Variants in ZHX3 observed in about 807,000 individuals in gnomAD.
ZHX3 encodes the protein zinc fingers and homeoboxes protein 3.
ZHX3 carries 20 observed loss-of-function variants against 64.5 expected under a neutral mutation model. The ratio of observed to expected loss-of-function variants is 0.31; its 90% CI spans 0.22 to 0.45. ZHX3 has a LOEUF of 0.45. ZHX3 is among the 20% of genes least tolerant of loss of function. The pLI, the probability that ZHX3 is intolerant of heterozygous loss-of-function variation, is 1.00. For synonymous variants in ZHX3, 423 were observed against 461.6 expected, an observed-to-expected ratio of 0.92 and a Z score of 1.07; for missense variants, 1,041 against 1,195.8, an observed-to-expected ratio of 0.87 and a Z score of 1.91.
intron 2 of ZHX3, among the ~76,000 whole-genome samples, chr20:41,215,948 C>CA (rs536278761): frequency 0.024 from 1,386 of 57,610 alleles, 13 homozygotes; most frequent in African/African-American, 0.063. Context: ...CGAGACTGTC[C>CA]AAAAAAAAAA....
chr20:41,205,835 T>G (rs1226854265), intron 2 of ZHX3, among the ~76,000 whole-genome samples: 1 of 152,132 alleles, frequency 6.6e-6, no homozygotes, highest in African/African-American at 2.4e-5. Flanking sequence ...CTGAGAACAG[T>G]TGGACTGCCT....
Position 41,256,469 on chromosome 20 carries a change from T to C in ZHX3, c.-151+12521A>G, listed in dbSNP as rs578254024. On this transcript the variant is annotated intron_variant, in intron 2 of 3. Coordinates refer to ENST00000683867, the MANE Select transcript of ZHX3 (RefSeq NM_001384317.1). ...CTCGATGGAGACAAATTAGATTTTT[T>C]CCCCTCATTTTTAGAAGGGGTATAG... 2.3e-4 allele frequency among the ~76,000 whole-genome samples: 35 copies of C among 152,048 alleles called. 1 individual carries two copies. Among genetic ancestry groups the C allele is most frequent in the African/African-American group, 8.4e-4 (35 of 41,452 alleles).
Position 41,278,939 on chromosome 20 carries a change from A to G in ZHX3, c.-244-9856T>C, listed in dbSNP as rs77391413. Among the ~76,000 whole-genome samples the G allele has an allele frequency of 0.042, 6,365 of 151,720 alleles. 751 individuals carry two copies. The East Asian group carries it at 0.48, about 11-fold the overall frequency. On this transcript the variant is annotated intron_variant, in intron 1 of 3. Coordinates refer to ENST00000683867, the MANE Select transcript of ZHX3 (RefSeq NM_001384317.1). The stretch of plus-strand genomic sequence containing the variant: ...AGGTGCCCGCCACCACGCCCGGCTA[A>G]TTTTTTTGTATTTCTAGTAGAGACA...
chr20:41,314,128 C>A (rs927493762), intron 1 of ZHX3, among the ~76,000 whole-genome samples: 2 of 152,156 alleles, frequency 1.3e-5, no homozygotes, highest in African/African-American at 2.4e-5. Flanking sequence ...AAAGCTTACG[C>A]TCACATTACG....
chr20:41,214,869 A>G (rs996992384), intron 2 of ZHX3, among the ~76,000 whole-genome samples: 1 of 152,192 alleles, frequency 6.6e-6, no homozygotes, highest in Non-Finnish European at 1.5e-5. Flanking sequence ...GCCAAAAGAG[A>G]TTCAGAAGGA....
intron 1 of ZHX3, among the ~76,000 whole-genome samples, chr20:41,283,736 G>A (rs574581531): frequency 4.7e-5 from 7 of 147,704 alleles, no homozygotes; most frequent in East Asian, 2.1e-4. Context: ...CAGCCTGGGC[G>A]ACAGAACGAG....
chr20:41,235,879 C>G (rs1270033524), intron 2 of ZHX3, among the ~76,000 whole-genome samples: 1 of 152,174 alleles, frequency 6.6e-6, no homozygotes, highest in African/African-American at 2.4e-5. Context: ...ACCCCATCAT[C>G]TCAGCCCAAA....
chr20:41,260,561 C>T (rs1287730954), intron 2 of ZHX3, among the ~76,000 whole-genome samples: 1 of 152,174 alleles, frequency 6.6e-6, no homozygotes, highest in Non-Finnish European at 1.5e-5. Context: ...GATTTGCCTA[C>T]TTCTAGTTCA....
Position 41,228,332 on chromosome 20 carries a change from G to A in ZHX3, c.-150-23266C>T, listed in dbSNP as rs572601705. On this transcript the variant is annotated intron_variant, in intron 2 of 3. Transcript: ENST00000683867. This position sits in a 1 kb window ranked among gnomAD's most constrained non-coding sequence, Gnocchi z 4.6. ...CCTGGCACTCACCCTTCCAAAAAAC[G>A]AAACAAGCAAATAAAAAATATAGCC... Among the ~76,000 whole-genome samples, 1 of 152,044 alleles carries A rather than the reference G, an allele frequency of 6.6e-6. No individual in the cohort carries two copies. The highest frequency in any genetic ancestry group is 6.6e-5 in the Admixed American group (1 of 15,266).
chr20:41,298,527 G>A (rs1191039835), intron 1 of ZHX3, among the ~76,000 whole-genome samples: 3 of 152,196 alleles, frequency 2.0e-5, no homozygotes, highest in African/African-American at 7.2e-5. Flanking sequence ...TTTAGAGGAA[G>A]TATATTACAA....
chr20:41,197,454 G>C (rs1465864576), intron 3 of ZHX3, among the ~76,000 whole-genome samples: 1 of 148,640 alleles, frequency 6.7e-6, no homozygotes, highest in Admixed American at 6.8e-5. Context: ...AGAAAAAACA[G>C]ATTATTTTGT....
rs1171013391 is a variant in ZHX3, at chr20:41,224,202, G to A, written c.-150-19136C>T. 6.6e-6 allele frequency among the ~76,000 whole-genome samples: 1 copy of A among 152,152 alleles called. No individual in the cohort carries two copies. Among genetic ancestry groups the A allele is most frequent in the Non-Finnish European group, 1.5e-5 (1 of 68,020 alleles). On this transcript the variant is annotated intron_variant, in intron 2 of 3. Transcript: ENST00000683867. The surrounding 1 kb of genome is among the most constrained non-coding windows in gnomAD (Gnocchi z 5.2). ...GTCTCCAACTGAGTATCTCCCAAAT[G>A]TGGGAGCTAATTATCATTTATGACA...
At chr20:41,216,538 T>C (rs2039546903) in intron 2 of ZHX3, among the ~76,000 whole-genome samples, 1 of 152,338 alleles carries the variant, frequency 6.6e-6, no homozygotes, top group Admixed American at 6.5e-5. Context: ...TATCTTTCCA[T>C]GTCACCATCT....
intron 2 of ZHX3, among the ~76,000 whole-genome samples, chr20:41,222,887 ATTTCTCAAGAACAT>A (rs2040034935): frequency 6.7e-6 from 1 of 149,514 alleles, no homozygotes; most frequent in Non-Finnish European, 1.5e-5. Flanking sequence ...GCTCACTTGA[ATTTCTCAAGAACAT>A]TTGTTAAAAA....
intron 2 of ZHX3, among the ~76,000 whole-genome samples, chr20:41,250,157 AC>A (rs947976067): frequency 6.6e-6 from 1 of 152,008 alleles, no homozygotes; most frequent in Non-Finnish European, 1.5e-5. Context: ...GAAACTCCTT[AC>A]CCCCATCAGA....
chr20:41,309,830 G>A (rs540348457), intron 1 of ZHX3, among the ~76,000 whole-genome samples: 95 of 152,232 alleles, frequency 6.2e-4, no homozygotes, highest in African/African-American at 2.2e-3. Flanking sequence ...CAACTCTCCA[G>A]CCTCTCAGTT....
intron 3 of ZHX3, among the ~76,000 whole-genome samples, chr20:41,186,924 T>G (rs1568779691): frequency 6.6e-6 from 1 of 152,242 alleles, no homozygotes; most frequent in Non-Finnish European, 1.5e-5. Flanking sequence ...TGTGGGTTCT[T>G]TCATTCTTTT....
chr20:41,250,765 A>G (rs962070217), intron 2 of ZHX3, among the ~76,000 whole-genome samples: 1 of 152,240 alleles, frequency 6.6e-6, no homozygotes, highest in Non-Finnish European at 1.5e-5. Flanking sequence ...TCTGTAAATT[A>G]AAGACAAAGA....
chr20:41,266,736 A>G (rs1382985181), intron 2 of ZHX3, among the ~76,000 whole-genome samples: 1 of 150,392 alleles, frequency 6.6e-6, no homozygotes, highest in Non-Finnish European at 1.5e-5. Flanking sequence ...TAGTAGAGAC[A>G]GGGTTTCACC....
Sources: allele counts gnomAD v4.1 joint callset (sites outside exome capture counted in the v4.1 genomes callset), GRCh38; gene constraint gnomAD v4.1.1; non-coding constraint Gnocchi (gnomAD v3.1); transcripts MANE v1.5; gene names NCBI Gene and HGNC (gene_info 2026-07-23, HGNC 2026-07-21).